The following LRRC49 variants were observed in gnomAD, a reference collection of about 807,000 sequenced individuals.
The protein encoded by LRRC49 is leucine-rich repeat-containing protein 49.
In LRRC49, 50 loss-of-function variants were observed where a neutral mutation model predicts 83.3. The ratio of observed to expected loss-of-function variants is 0.60; its 90% confidence interval spans 0.48 to 0.76. The LOEUF (loss-of-function observed/expected upper bound fraction) is 0.76. LRRC49 is among the 30% of genes least tolerant of loss of function. The pLI, the probability that LRRC49 is intolerant of heterozygous loss-of-function variation, is 0.00. For synonymous variants in LRRC49, 286 were observed against 283.3 expected (o/e 1.01, Z -0.10); for missense variants, 704 against 809.1 (o/e 0.87, Z 1.58).
chr15:71,047,398 T>G (rs2039884347), intron 15 of LRRC49, among the ~76,000 whole-genome samples: 1 of 152,238 alleles, frequency 6.6e-6, no homozygotes. Flanking sequence ...TAGAGGTCTT[T>G]CACCTTCTTA....
At chr15:71,017,956 A>C (rs557344443) in intron 14 of LRRC49, among the ~76,000 whole-genome samples, 13 of 152,248 alleles carry the variant, frequency 8.5e-5, no homozygotes, top group African/African-American at 3.1e-4. Context: ...AATGCCAAAT[A>C]ATTGGTAAAA....
chr15:71,026,087 G>T (rs561840894), intron 14 of LRRC49, among the ~76,000 whole-genome samples: 1 of 151,740 alleles, frequency 6.6e-6, no homozygotes, highest in East Asian at 1.9e-4. Flanking sequence ...CCCCTGACAG[G>T]CCCTGTTGTG....
rs2034042825 is a variant in LRRC49 at position 70,900,852 on chromosome 15, A to C, written c.194-70A>C. On this transcript the variant is annotated intron_variant, in intron 3 of 15. Transcript: ENST00000260382. Reference sequence around the variant, plus strand: ...TTTATGGTGCTAAAATTCTCCAAATATAAGATGACTTTAGTTTCAGACTTC... The same window carrying C: ...TTTATGGTGCTAAAATTCTCCAAATCTAAGATGACTTTAGTTTCAGACTTC... The C allele has an allele frequency of 4.5e-6, 4 of 897,576 alleles. No individual in the cohort carries two copies. The South Asian group carries it at 5.8e-5, about 13-fold the overall frequency. 55.6% of individuals were successfully genotyped at this position (897,576 alleles called of 1,614,324 possible).
intron 8 of LRRC49, among the ~76,000 whole-genome samples, chr15:70,957,295 G>A (rs1456441374): frequency 6.6e-6 from 1 of 152,090 alleles, no homozygotes; most frequent in Non-Finnish European, 1.5e-5. Flanking sequence ...ATAGTAAATA[G>A]CAATAAAATT....
chr15:71,021,158 G>A (rs2038983578), intron 14 of LRRC49, among the ~76,000 whole-genome samples: 1 of 152,200 alleles, frequency 6.6e-6, no homozygotes, highest in African/African-American at 2.4e-5. Flanking sequence ...CCACAGGTTG[G>A]ACAAGTTTGA....
At chr15:70,964,148 A>G (rs941482303) in intron 9 of LRRC49, among the ~76,000 whole-genome samples, 9 of 152,120 alleles carry the variant, frequency 5.9e-5, no homozygotes, top group Admixed American at 5.9e-4. Context: ...CTTCTGTTTA[A>G]ATTAATCATC....
chr15:70,929,690 A>G (rs989020263), intron 7 of LRRC49, among the ~76,000 whole-genome samples: 1 of 152,348 alleles, frequency 6.6e-6, no homozygotes, highest in African/African-American at 2.4e-5. Context: ...CGTCCTCTCA[A>G]ACCCTGCTGG....
At chr15:70,859,713 C>A in intron 1 of LRRC49, 1 of 685,158 alleles carries the variant, frequency 1.5e-6, no homozygotes. Flanking sequence ...CTGGAGGCCA[C>A]CATCGCAGAT....
At chr15:70,938,393 T>C (rs891840435) in intron 8 of LRRC49, among the ~76,000 whole-genome samples, 2 of 152,186 alleles carry the variant, frequency 1.3e-5, no homozygotes, top group Admixed American at 1.3e-4. Context: ...TTTTGAGGCT[T>C]TTAAAAATTC....
chr15:70,954,345 TG>T (rs756240725), intron 8 of LRRC49, among the ~76,000 whole-genome samples: 7 of 152,262 alleles, frequency 4.6e-5, no homozygotes, highest in Non-Finnish European at 1.0e-4. Context: ...GTTGTTTTAC[TG>T]TTTTGCCTGG....
At chr15:70,876,110 AC>A (rs1345373337) in intron 2 of LRRC49, among the ~76,000 whole-genome samples, 1 of 152,204 alleles carries the variant, frequency 6.6e-6, no homozygotes, top group Non-Finnish European at 1.5e-5. Flanking sequence ...TTTAAGTGCC[AC>A]AGGAAGTCTA....
intron 1 of LRRC49, among the ~76,000 whole-genome samples, chr15:70,858,347 A>T (rs1004067574): frequency 2.0e-5 from 3 of 152,168 alleles, no homozygotes; most frequent in African/African-American, 7.2e-5. Flanking sequence ...CACGCCTGTA[A>T]TCCCAGCACT....
intron 2 of LRRC49, among the ~76,000 whole-genome samples, chr15:70,883,814 C>T (rs1165457130): frequency 6.6e-6 from 1 of 151,856 alleles, no homozygotes; most frequent in Non-Finnish European, 1.5e-5. Context: ...GCCACCATGC[C>T]TGGCTAATTT....
chr15:70,860,290 C>G (rs1163540890), intron 1 of LRRC49: 23 of 539,874 alleles, frequency 4.3e-5, no homozygotes, highest in Non-Finnish European at 4.6e-5. Flanking sequence ...CCTCAGCCCA[C>G]CCGCGGGGGA....
chr15:70,854,668 C>T (rs1405442833), intron 1 of LRRC49, among the ~76,000 whole-genome samples: 2 of 152,190 alleles, frequency 1.3e-5, no homozygotes, highest in Non-Finnish European at 2.9e-5. Flanking sequence ...GGCTTGGCTC[C>T]TGCCTTGCCC....
intron 9 of LRRC49, among the ~76,000 whole-genome samples, chr15:70,975,169 A>C (rs558840637): frequency 9.9e-5 from 15 of 151,598 alleles, no homozygotes; most frequent in African/African-American, 3.4e-4. Context: ...GAGGGCAGAC[A>C]ATAAACTAGA....
chr15:70,948,679 T>A (rs574981736), intron 8 of LRRC49, among the ~76,000 whole-genome samples: 3 of 152,170 alleles, frequency 2.0e-5, no homozygotes, highest in African/African-American at 7.2e-5. Flanking sequence ...GCTCATCTTA[T>A]ACTTTTGCAG....
intron 14 of LRRC49, among the ~76,000 whole-genome samples, chr15:71,021,844 GA>G (rs2039005650): frequency 6.6e-6 from 1 of 152,170 alleles, no homozygotes. Flanking sequence ...AGAAAAAGCA[GA>G]AACATGCAAG....
At chr15:70,981,261 G>T (rs1027330923) in intron 10 of LRRC49, among the ~76,000 whole-genome samples, 2 of 150,498 alleles carry the variant, frequency 1.3e-5, no homozygotes, top group Non-Finnish European at 3.0e-5. Flanking sequence ...ACCAAACACT[G>T]CATGTTCTTA....
Sources: gnomAD v4.1 joint callset for allele counts (sites outside exome capture counted in the v4.1 genomes callset) on GRCh38, gnomAD v4.1.1 for gene constraint, MANE v1.5 for transcripts, NCBI Gene and HGNC (gene_info 2026-07-23, HGNC 2026-07-21) for gene names.